Variants in DEPTOR observed in about 807,000 individuals in gnomAD.
DEPTOR encodes DEP domain-containing mTOR-interacting protein.
DEPTOR carries 41 observed loss-of-function variants against 41.6 expected under a neutral mutation model. That is an observed-to-expected ratio of 0.98 (90% confidence interval 0.77 to 1.28). DEPTOR has a LOEUF of 1.28. Ranked by LOEUF, DEPTOR falls within the 50% of genes most tolerant of loss-of-function variation. The pLI is 0.00. For missense variants in DEPTOR, 514 were observed against 527.9 expected (o/e 0.97, Z 0.26); for synonymous variants, 195 against 192.3 (o/e 1.01, Z -0.12).
chr8:119,995,473 C>G (rs1812246286), intron 4 of DEPTOR, among the ~76,000 whole-genome samples: 1 of 151,728 alleles, frequency 6.6e-6, no homozygotes, highest in South Asian at 2.1e-4. Flanking sequence ...ATAATCCCAG[C>G]TACTTGGGGG....
intron 3 of DEPTOR, among the ~76,000 whole-genome samples, chr8:119,953,520 G>A (rs1828379048): frequency 6.6e-6 from 1 of 151,762 alleles, no homozygotes; most frequent in South Asian, 2.1e-4. Context: ...GAATCCAGGA[G>A]GTGGAGGTTG....
rs150611327 is a variant in DEPTOR, at chr8:119,974,727, G to A, written c.604+9317G>A. On this transcript the variant is annotated intron_variant, in intron 4 of 8. Coordinates refer to ENST00000286234, the MANE Select transcript of DEPTOR (RefSeq NM_022783.4). The stretch of plus-strand genomic sequence containing the variant: ...GCAGAGGTTGCAGTGAGCTGAGATC[G>A]TGCCACTGCACTCCAGCCTGGGCGA... Among the ~76,000 whole-genome samples the A allele has an allele frequency of 6.3e-3, 962 of 151,910 alleles. 11 individuals are homozygous for A. The highest frequency in any genetic ancestry group is 0.019 in the African/African-American group (798 of 41,400).
At chr8:119,879,217 A>G (rs1827266873) in intron 1 of DEPTOR, among the ~76,000 whole-genome samples, 1 of 152,254 alleles carries the variant, frequency 6.6e-6, no homozygotes, top group African/African-American at 2.4e-5. Context: ...TGGAGAAATT[A>G]GAACCCCTAC....
chr8:120,030,497 G>GTTTGTTT (rs1207108457), intron 8 of DEPTOR, among the ~76,000 whole-genome samples: 478 of 46,204 alleles, frequency 0.01, 21 homozygotes, highest in Non-Finnish European at 0.014. Flanking sequence ...AGGTTCATCA[G>GTTTGTTT]TTTTTTTTTT....
At chr8:119,940,950 G>A (rs1176044858) in intron 3 of DEPTOR, among the ~76,000 whole-genome samples, 1 of 152,062 alleles carries the variant, frequency 6.6e-6, no homozygotes, top group Non-Finnish European at 1.5e-5. Context: ...GCAGGGGAAA[G>A]GGGGGAATAG....
chr8:120,016,796 G>A (rs915986886), intron 8 of DEPTOR, among the ~76,000 whole-genome samples: 10 of 152,018 alleles, frequency 6.6e-5, no homozygotes, highest in African/African-American at 1.7e-4. Context: ...TAGAGATGGA[G>A]TTTCACCATG....
intron 3 of DEPTOR, among the ~76,000 whole-genome samples, chr8:119,948,585 T>A (rs1307764720): frequency 6.6e-6 from 1 of 152,000 alleles, no homozygotes; most frequent in Non-Finnish European, 1.5e-5. Context: ...ATTTTATACT[T>A]TTTAAAAACT....
intron 1 of DEPTOR, among the ~76,000 whole-genome samples, chr8:119,918,438 CTTTATTTA>C (rs796881763): frequency 4.4e-3 from 364 of 83,442 alleles, no homozygotes; most frequent in African/African-American, 0.011. Flanking sequence ...CATGGACCAC[CTTTATTTA>C]TTTATTTATT....
At chr8:119,941,656 C>A (rs1046770202) in intron 3 of DEPTOR, among the ~76,000 whole-genome samples, 3 of 152,068 alleles carry the variant, frequency 2.0e-5, no homozygotes, top group African/African-American at 7.2e-5. Flanking sequence ...GGGCGAGTAG[C>A]CCTTACTGAT....
intron 8 of DEPTOR, among the ~76,000 whole-genome samples, chr8:120,010,576 A>G (rs549995282): frequency 6.3e-4 from 96 of 151,428 alleles, no homozygotes; most frequent in African/African-American, 2.1e-3. Context: ...AGATCGCACC[A>G]ATGTACCCCA....
chr8:119,998,730 C>G (rs1309842262), intron 4 of DEPTOR, among the ~76,000 whole-genome samples: 1 of 152,034 alleles, frequency 6.6e-6, no homozygotes, highest in Non-Finnish European at 1.5e-5. Context: ...TACGTCCAGA[C>G]TAATAGTCAT....
At chr8:119,911,409 C>T (rs1168814279) in intron 1 of DEPTOR, among the ~76,000 whole-genome samples, 1 of 149,998 alleles carries the variant, frequency 6.7e-6, no homozygotes, top group Non-Finnish European at 1.5e-5. Flanking sequence ...ACCTCCGTCT[C>T]CCGGGTTCAA....
At chr8:120,013,546 CT>C (rs111772028) in intron 8 of DEPTOR, among the ~76,000 whole-genome samples, 90 of 152,298 alleles carry the variant, frequency 5.9e-4, no homozygotes, top group African/African-American at 1.9e-3. Flanking sequence ...CAAGAGGGTC[CT>C]GGGGTGCCCT....
At chr8:119,907,599 A>G (rs10092845) in intron 1 of DEPTOR, among the ~76,000 whole-genome samples, 124,583 of 152,060 alleles carry the variant, frequency 0.82, 51,388 homozygotes, top group East Asian at 0.95. Flanking sequence ...TTGAGACCAC[A>G]CTGGCCAACA....
At position 119,965,269 on chromosome 8, in the gene DEPTOR, G is replaced by C; in HGVS notation, c.463G>C (p.Glu155Gln). ...SPENTLLQPREEEGVKYERTF... is the reference protein window; with the variant it reads ...SPENTLLQPRQEEGVKYERTF... ...TGAAAACACACTCCTGCAGCCCAGG[G>C]AGGAGGAAGGGGTCAAGTATGAGCG... is the stretch of plus-strand genomic sequence containing the variant. Residue 155 changes from glutamate (E) to glutamine (Q), a missense_variant, in exon 4 of 9, where the codon GAG (glutamate) becomes CAG (glutamine). By Grantham distance (29) the Glu-to-Gln change is conservative (BLOSUM62 2). Coordinates refer to ENST00000286234, the MANE Select transcript of DEPTOR (RefSeq NM_022783.4). 1 of 1,614,112 alleles carries C rather than the reference G, an allele frequency of 6.2e-7. No individual in the cohort carries two copies. The highest frequency in any genetic ancestry group is 8.5e-7 in the Non-Finnish European group (1 of 1,180,030).
At chr8:119,959,309 C>G (rs1828459479) in intron 3 of DEPTOR, among the ~76,000 whole-genome samples, 1 of 151,176 alleles carries the variant, frequency 6.6e-6, no homozygotes, top group Non-Finnish European at 1.5e-5. Context: ...ACTACAGGCG[C>G]CCACCACCAC....
At chr8:120,026,474 C>T (rs1353241543) in intron 8 of DEPTOR, among the ~76,000 whole-genome samples, 1 of 151,926 alleles carries the variant, frequency 6.6e-6, no homozygotes, top group Non-Finnish European at 1.5e-5. Flanking sequence ...TCCCAAGTAG[C>T]TGAGATTACA....
At chr8:120,020,952 G>A (rs1383614792) in intron 8 of DEPTOR, among the ~76,000 whole-genome samples, 10 of 151,740 alleles carry the variant, frequency 6.6e-5, no homozygotes, top group African/African-American at 2.2e-4. Flanking sequence ...CCAACTACTC[G>A]GGAGGCTGAG....
At chr8:119,881,846 C>T (rs1261128133) in intron 1 of DEPTOR, among the ~76,000 whole-genome samples, 1 of 152,174 alleles carries the variant, frequency 6.6e-6, no homozygotes, top group Non-Finnish European at 1.5e-5. Flanking sequence ...AGTCAATGGT[C>T]AAGAGCCTAA....
Sources: allele counts gnomAD v4.1 joint callset (sites outside exome capture counted in the v4.1 genomes callset), GRCh38; gene constraint gnomAD v4.1.1; transcripts MANE v1.5; gene names NCBI Gene and HGNC (gene_info 2026-07-23, HGNC 2026-07-21).